The following GPC5 variants were observed in gnomAD, a reference collection of about 807,000 sequenced individuals.
GPC5 encodes glypican 5.
A neutral mutation model predicts 53.9 loss-of-function variants in GPC5; 47 were observed. The observed-to-expected ratio is 0.87, with a 90% CI of 0.69 to 1.11. The LOEUF (loss-of-function observed/expected upper bound fraction) is 1.11. GPC5 is among the 50% of genes most tolerant of loss of function. The pLI, the probability that GPC5 is intolerant of heterozygous loss-of-function variation, is 0.00. For missense variants in GPC5, 748 were observed against 713.1 expected (o/e 1.05, Z -0.56); for synonymous variants, 286 against 263.3 (o/e 1.09, Z -0.84).
chr13:91,848,768 T>C (rs2038880207), intron 5 of GPC5, among the ~76,000 whole-genome samples: 1 of 152,228 alleles, frequency 6.6e-6, no homozygotes, highest in Non-Finnish European at 1.5e-5. Flanking sequence ...GCCAGAGACA[T>C]TCTGATGATT....
intron 7 of GPC5, among the ~76,000 whole-genome samples, chr13:92,435,993 T>C (rs566425836): frequency 1.0e-3 from 153 of 152,284 alleles, no homozygotes; most frequent in African/African-American, 3.5e-3. Flanking sequence ...TTTTAATCAG[T>C]CTTTTGTCTT....
At chr13:91,961,868 T>TG (rs1318141438) in intron 6 of GPC5, among the ~76,000 whole-genome samples, 1 of 152,076 alleles carries the variant, frequency 6.6e-6, no homozygotes, top group Non-Finnish European at 1.5e-5. Flanking sequence ...GAGGGAGACG[T>TG]GGGTTCCTCT....
At chr13:91,794,897 CTAATT>C (rs1043424252) in intron 5 of GPC5, among the ~76,000 whole-genome samples, 1 of 151,878 alleles carries the variant, frequency 6.6e-6, no homozygotes, top group African/African-American at 2.4e-5. Flanking sequence ...GTTCTAGAAC[CTAATT>C]TAAAGGTCAG....
At chr13:92,017,213 C>T (rs935595352) in intron 6 of GPC5, among the ~76,000 whole-genome samples, 1 of 152,122 alleles carries the variant, frequency 6.6e-6, no homozygotes, top group Non-Finnish European at 1.5e-5. Context: ...TGAACCAACT[C>T]ATTACAACCT....
chr13:91,972,770 T>A (rs1009623601), intron 6 of GPC5, among the ~76,000 whole-genome samples: 1 of 152,188 alleles, frequency 6.6e-6, no homozygotes, highest in African/African-American at 2.4e-5. Flanking sequence ...AAAATTCTTT[T>A]CTTTAAGAAT....
chr13:92,425,546 G>T (rs905196981), intron 7 of GPC5, among the ~76,000 whole-genome samples: 1 of 152,178 alleles, frequency 6.6e-6, no homozygotes, highest in East Asian at 1.9e-4. Context: ...AACAACTAAG[G>T]AGTGGCTGTC....
chr13:92,032,750 C>T (rs371494985), intron 6 of GPC5, among the ~76,000 whole-genome samples: 22 of 152,146 alleles, frequency 1.4e-4, no homozygotes, highest in African/African-American at 4.6e-4. Flanking sequence ...AGCAATGGAA[C>T]GACGCTAAAG....
At chr13:92,349,572 G>A (rs958839028) in intron 7 of GPC5, among the ~76,000 whole-genome samples, 2 of 151,354 alleles carry the variant, frequency 1.3e-5, no homozygotes, top group African/African-American at 4.9e-5. Flanking sequence ...AGAGACATTA[G>A]AACTGATACC....
intron 5 of GPC5, among the ~76,000 whole-genome samples, chr13:91,759,030 G>T (rs2037353781): frequency 6.6e-6 from 1 of 151,976 alleles, no homozygotes; most frequent in Middle Eastern, 3.2e-3. Context: ...GCATGTTTCA[G>T]CCCTGATTAT....
chr13:92,657,702 A>G (rs1886188130), intron 7 of GPC5, among the ~76,000 whole-genome samples: 1 of 151,280 alleles, frequency 6.6e-6, no homozygotes, highest in Non-Finnish European at 1.5e-5. Context: ...AGTAACCTCA[A>G]TGTAACCACA....
At chr13:92,249,700 A>G (rs1367906401) in intron 7 of GPC5, among the ~76,000 whole-genome samples, 1 of 152,050 alleles carries the variant, frequency 6.6e-6, no homozygotes, top group African/African-American at 2.4e-5. Context: ...CAGAATGTAG[A>G]CATGAGGGTG....
At chr13:92,323,581 A>C (rs1000347307) in intron 7 of GPC5, among the ~76,000 whole-genome samples, 1 of 151,720 alleles carries the variant, frequency 6.6e-6, no homozygotes, top group African/African-American at 2.4e-5. Context: ...TCAAAAGAAC[A>C]ATTTATTTTT....
intron 6 of GPC5, among the ~76,000 whole-genome samples, chr13:92,001,473 T>C (rs545662821): frequency 2.0e-5 from 3 of 152,318 alleles, no homozygotes; most frequent in Admixed American, 1.3e-4. Flanking sequence ...TTCTTACTTT[T>C]CCAAGTTTCT....
At chr13:91,543,768 G>A (rs1256551874) in intron 2 of GPC5, among the ~76,000 whole-genome samples, 1 of 152,112 alleles carries the variant, frequency 6.6e-6, no homozygotes, top group Non-Finnish European at 1.5e-5. Flanking sequence ...GTCTCTTTTT[G>A]TTGTTGTTGA....
At chr13:92,385,652 C>T (rs1416198893) in intron 7 of GPC5, among the ~76,000 whole-genome samples, 3 of 141,736 alleles carry the variant, frequency 2.1e-5, no homozygotes, top group South Asian at 2.1e-4. Context: ...CCTATATACA[C>T]ATATATATAT....
intron 2 of GPC5, among the ~76,000 whole-genome samples, chr13:91,566,539 G>T (rs2138958915): frequency 6.6e-6 from 1 of 152,230 alleles, no homozygotes. Flanking sequence ...CTCCAGCCTG[G>T]CAACAGAGCA....
intron 7 of GPC5, among the ~76,000 whole-genome samples, chr13:92,175,524 G>T (rs1251854392): frequency 6.6e-6 from 1 of 152,074 alleles, no homozygotes; most frequent in East Asian, 1.9e-4. Context: ...GAGCTGAATT[G>T]CTTTCAGTTT....
chr13:91,764,700 A>AC (rs2037487146), intron 5 of GPC5, among the ~76,000 whole-genome samples: 1 of 152,046 alleles, frequency 6.6e-6, no homozygotes. Context: ...GTGTATGTGA[A>AC]CCTTTTCAGG....
chr13:92,194,850 G>C (rs939361614), intron 7 of GPC5, among the ~76,000 whole-genome samples: 2 of 152,192 alleles, frequency 1.3e-5, no homozygotes, highest in African/African-American at 4.8e-5. Context: ...AAGGTAGAGT[G>C]AGAAGGAAAG....
Sources: gnomAD v4.1 joint callset for allele counts (sites outside exome capture counted in the v4.1 genomes callset) on GRCh38, gnomAD v4.1.1 for gene constraint, MANE v1.5 for transcripts, NCBI Gene and HGNC (gene_info 2026-07-23, HGNC 2026-07-21) for gene names.